CTNNA2: variants seen among roughly 807,000 people sequenced by gnomAD.
CTNNA2 encodes catenin alpha-2.
Under a neutral mutation model 101.0 loss-of-function variants are expected in CTNNA2, and 42 were observed. The ratio of observed to expected loss-of-function variants is 0.42; its 90% CI spans 0.32 to 0.54. The LOEUF (loss-of-function observed/expected upper bound fraction) is 0.54, where lower values mean the gene tolerates loss of function less well. Among genes scored for constraint, CTNNA2 ranks in the 20% least tolerant of loss-of-function variants. The probability of loss-of-function intolerance (pLI) is 0.14; values close to 1 mark genes in which losing one functional copy is unlikely to be tolerated. For synonymous variants in CTNNA2, 450 were observed against 456.4 expected, an observed-to-expected ratio of 0.99 and a Z score of 0.18; for missense variants, 871 against 1,223.1, an observed-to-expected ratio of 0.71 and a Z score of 4.29.
At chr2:79,748,187 C>G (rs576020573) in intron 3 of CTNNA2, among the ~76,000 whole-genome samples, 1 of 152,200 alleles carries the variant, frequency 6.6e-6, no homozygotes, top group South Asian at 2.1e-4. Flanking sequence ...TCCTGTTTGC[C>G]CATTACCCAA....
chr2:80,644,347 C>T (rs567191332), intron 18 of CTNNA2, among the ~76,000 whole-genome samples: 9 of 152,260 alleles, frequency 5.9e-5, no homozygotes, highest in East Asian at 5.8e-4. Flanking sequence ...AAAACTTATA[C>T]GTATTCACTT....
At chr2:79,265,567 C>A (rs1225168182) in intron 2 of CTNNA2, among the ~76,000 whole-genome samples, 2 of 152,132 alleles carry the variant, frequency 1.3e-5, no homozygotes, top group Admixed American at 1.3e-4. Flanking sequence ...ACTAAATGAG[C>A]CACTCATCTG....
intron 18 of CTNNA2, among the ~76,000 whole-genome samples, chr2:80,628,524 C>T (rs972181817): frequency 6.6e-6 from 1 of 151,752 alleles, no homozygotes; most frequent in Non-Finnish European, 1.5e-5. Flanking sequence ...ACTGGCTAAC[C>T]ATATGCAGAA....
chr2:79,565,723 T>G (rs917029585), intron 1 of CTNNA2, among the ~76,000 whole-genome samples: 4 of 152,080 alleles, frequency 2.6e-5, no homozygotes, highest in African/African-American at 9.7e-5. Flanking sequence ...TTATTTTGTA[T>G]AGTAAACAAG....
intron 2 of CTNNA2, among the ~76,000 whole-genome samples, chr2:79,734,433 T>A (rs983765111): frequency 6.6e-6 from 1 of 152,046 alleles, no homozygotes; most frequent in Non-Finnish European, 1.5e-5. Context: ...AAGAGAAAAA[T>A]TAAGTTCTAT....
At chr2:79,403,265 C>A (rs1268311040) in intron 4 of CTNNA2, among the ~76,000 whole-genome samples, 2 of 151,740 alleles carry the variant, frequency 1.3e-5, no homozygotes, top group Non-Finnish European at 2.9e-5. Context: ...CAAATTACAA[C>A]TCTAAACAAA....
chr2:80,602,599 A>G (rs888081433), intron 15 of CTNNA2, among the ~76,000 whole-genome samples: 7 of 152,124 alleles, frequency 4.6e-5, no homozygotes, highest in African/African-American at 1.7e-4. Context: ...AAACATTGAC[A>G]GATTCTGTAT....
chr2:79,982,324 AAC>A (rs1207316333), intron 7 of CTNNA2, among the ~76,000 whole-genome samples: 50 of 137,964 alleles, frequency 3.6e-4, no homozygotes, highest in African/African-American at 1.3e-3. Context: ...TAACATATAT[AAC>A]ACACATATAA....
At chr2:80,127,414 G>A (rs1384091229) in intron 7 of CTNNA2, among the ~76,000 whole-genome samples, 1 of 152,102 alleles carries the variant, frequency 6.6e-6, no homozygotes, top group African/African-American at 2.4e-5. Context: ...CATGAAAGTG[G>A]TTAACACTAT....
chr2:80,542,474 C>G (rs1427056643), intron 9 of CTNNA2, among the ~76,000 whole-genome samples: 3 of 151,856 alleles, frequency 2.0e-5, no homozygotes, highest in Admixed American at 6.6e-5. Context: ...TGGTATGTCA[C>G]TCAGTCAAGA....
At chr2:80,226,333 G>A (rs1708887158) in intron 7 of CTNNA2, among the ~76,000 whole-genome samples, 1 of 152,222 alleles carries the variant, frequency 6.6e-6, no homozygotes, top group Admixed American at 6.5e-5. Flanking sequence ...CTGAGGGACT[G>A]GAGGCCTTTT....
At chr2:79,605,362 T>C (rs1255868585) in intron 1 of CTNNA2, among the ~76,000 whole-genome samples, 1 of 152,068 alleles carries the variant, frequency 6.6e-6, no homozygotes, top group African/African-American at 2.4e-5. Context: ...CAATGTCAAC[T>C]AGCATAAAAA....
chr2:79,442,645 T>C (rs1413812140), intron 4 of CTNNA2, among the ~76,000 whole-genome samples: 1 of 152,156 alleles, frequency 6.6e-6, no homozygotes, highest in Non-Finnish European at 1.5e-5. Flanking sequence ...AATAGGCAAA[T>C]ATATAATAAA....
intron 4 of CTNNA2, among the ~76,000 whole-genome samples, chr2:79,453,239 A>G (rs1670776656): frequency 6.6e-6 from 1 of 152,182 alleles, no homozygotes; most frequent in Admixed American, 6.6e-5. Flanking sequence ...CACATTACTT[A>G]GTAGAAAATT....
intron 9 of CTNNA2, among the ~76,000 whole-genome samples, chr2:80,531,075 G>C (rs566330306): frequency 2.3e-4 from 35 of 152,280 alleles, no homozygotes; most frequent in African/African-American, 8.2e-4. Flanking sequence ...GGTTCTGAGG[G>C]CAGGGAGGGA....
intron 12 of CTNNA2, 90 bp downstream of exon 12, chr2:80,555,983 CT>C: frequency 1.2e-6 from 1 of 868,322 alleles, no homozygotes; most frequent in Non-Finnish European, 1.7e-6. Flanking sequence ...TTCTGTAGGC[CT>C]TTATGCTTCT....
chr2:80,532,259 T>C (rs991429827), intron 9 of CTNNA2, among the ~76,000 whole-genome samples: 6 of 152,168 alleles, frequency 3.9e-5, no homozygotes, highest in Non-Finnish European at 5.9e-5. Context: ...TCTGAAAATA[T>C]TAAATGGAAA....
chr2:79,193,750 T>C (rs1252465242), intron 1 of CTNNA2, among the ~76,000 whole-genome samples: 1 of 152,194 alleles, frequency 6.6e-6, no homozygotes, highest in Non-Finnish European at 1.5e-5. Flanking sequence ...ATATTAAGCA[T>C]AAGATATGGT....
intron 2 of CTNNA2, among the ~76,000 whole-genome samples, chr2:79,667,861 G>T (rs1312977105): frequency 3.3e-5 from 5 of 152,126 alleles, no homozygotes; most frequent in Middle Eastern, 3.2e-3. Context: ...TATAGAAAGG[G>T]GTGATTAAAC....
Sources: allele counts gnomAD v4.1 joint callset (sites outside exome capture counted in the v4.1 genomes callset), GRCh38; gene constraint gnomAD v4.1.1; transcripts MANE v1.5; gene names NCBI Gene and HGNC (gene_info 2026-07-23, HGNC 2026-07-21).